CCSER1: variants seen among roughly 807,000 people sequenced by gnomAD.
The protein encoded by CCSER1 is serine-rich coiled-coil domain-containing protein 1.
In CCSER1, 41 loss-of-function variants were observed where a neutral mutation model predicts 82.0. The ratio of observed to expected loss-of-function variants is 0.50; its 90% confidence interval spans 0.39 to 0.65. CCSER1 has a LOEUF of 0.65. Among genes scored for constraint, CCSER1 ranks in the 30% least tolerant of loss-of-function variants. The pLI is 0.00. For missense variants in CCSER1, 1,119 were observed against 1,064.2 expected (o/e 1.05, Z -0.72); for synonymous variants, 414 against 383.9 (o/e 1.08, Z -0.92).
intron 10 of CCSER1, among the ~76,000 whole-genome samples, chr4:91,206,551 G>A (rs962333809): frequency 6.6e-6 from 1 of 151,898 alleles, no homozygotes; most frequent in Non-Finnish European, 1.5e-5. Flanking sequence ...TATAGAGAAG[G>A]CCTTGCCCTC....
chr4:90,652,256 C>A (rs1445579372), intron 6 of CCSER1, among the ~76,000 whole-genome samples: 1 of 152,026 alleles, frequency 6.6e-6, no homozygotes, highest in African/African-American at 2.4e-5. Flanking sequence ...TTTTGTATTT[C>A]AGGATGATTA....
chr4:91,297,130 A>G (rs1034848668), intron 10 of CCSER1, among the ~76,000 whole-genome samples: 1 of 151,876 alleles, frequency 6.6e-6, no homozygotes, highest in African/African-American at 2.4e-5. Context: ...AGTTTTGGTT[A>G]GGCAGTGAAG....
chr4:90,223,720 A>G (rs530227111), intron 1 of CCSER1, among the ~76,000 whole-genome samples: 5 of 152,346 alleles, frequency 3.3e-5, no homozygotes, highest in African/African-American at 1.2e-4. Flanking sequence ...CAGTGAAATA[A>G]TTTTGGATCT....
At chr4:90,310,089 A>G (rs1312320605) in intron 2 of CCSER1, among the ~76,000 whole-genome samples, 2 of 152,070 alleles carry the variant, frequency 1.3e-5, no homozygotes, top group Non-Finnish European at 2.9e-5. Flanking sequence ...CTAAGCTTTC[A>G]TTATTAATTA....
At chr4:91,069,066 A>G (rs1721152854) in intron 9 of CCSER1, among the ~76,000 whole-genome samples, 1 of 151,940 alleles carries the variant, frequency 6.6e-6, no homozygotes, top group Admixed American at 6.6e-5. Flanking sequence ...CCCAGCTACT[A>G]GGGAGGCTGA....
rs1456281117 is a variant in CCSER1, at chr4:90,309,602, G to A, written c.1318G>A (p.Ala440Thr). 2 of 1,565,190 alleles carry A rather than the reference G, an allele frequency of 1.3e-6. No individual in the cohort carries two copies. The highest frequency in any genetic ancestry group is 1.2e-5 in the South Asian group (1 of 83,064). Residue 440 changes from alanine (A) to threonine (T), a missense_variant, in exon 2 of 11, where the codon GCC (alanine) becomes ACC (threonine). Ala to Thr is a moderately conservative substitution (Grantham distance 58). Coordinates refer to ENST00000509176, the MANE Select transcript of CCSER1 (RefSeq NM_001145065.2). ...KTSHGYEANP[A>T]KVLASSLSPF... ...ATCACATGGATATGAAGCAAATCCT[G>A]CCAAAGGTATGCTGATTTTTTTTGT...
intron 10 of CCSER1, among the ~76,000 whole-genome samples, chr4:91,143,407 T>C (rs537546924): frequency 4.6e-5 from 7 of 152,274 alleles, no homozygotes; most frequent in African/African-American, 1.2e-4. Context: ...TTTCTAGGTA[T>C]AAGATTATGT....
At chr4:90,247,911 C>A (rs762770623) in intron 1 of CCSER1, among the ~76,000 whole-genome samples, 3 of 151,858 alleles carry the variant, frequency 2.0e-5, no homozygotes, top group African/African-American at 7.3e-5. Context: ...AATTTCCCAA[C>A]CTGTAGTGAA....
At position 90,600,345 on chromosome 4, in the gene CCSER1, G is replaced by A. The variant is rs146525356; in HGVS notation, c.1725-27680G>A. Reference sequence around the variant, plus strand: ...TATGAGATTTCCTACCCAAAACTTGGTACAGTCAGACTTTTTAGTTTTAGC... The same window carrying A: ...TATGAGATTTCCTACCCAAAACTTGATACAGTCAGACTTTTTAGTTTTAGC... On this transcript the variant is annotated intron_variant, in intron 5 of 10. Transcript: ENST00000509176. Among the ~76,000 whole-genome samples the A allele has an allele frequency of 8.0e-4, 122 of 152,134 alleles. 1 individual carries two copies. The East Asian group carries it at 0.017, about 21-fold the overall frequency.
intron 7 of CCSER1, among the ~76,000 whole-genome samples, chr4:90,798,454 A>T (rs1032973204): frequency 6.6e-6 from 1 of 151,226 alleles, no homozygotes; most frequent in Non-Finnish European, 1.5e-5. Flanking sequence ...ATTCATATCC[A>T]TATTCTGAAT....
intron 5 of CCSER1, among the ~76,000 whole-genome samples, chr4:90,537,201 G>A (rs950679757): frequency 1.3e-5 from 2 of 152,046 alleles, no homozygotes; most frequent in African/African-American, 4.8e-5. Flanking sequence ...GTAAACATTA[G>A]CTTTGTTGCA....
chr4:91,077,880 G>T (rs1242741659), intron 9 of CCSER1, among the ~76,000 whole-genome samples: 3 of 152,232 alleles, frequency 2.0e-5, no homozygotes, highest in Admixed American at 2.0e-4. Flanking sequence ...ACTGCAAGGT[G>T]GCAGCGAGGC....
intron 10 of CCSER1, among the ~76,000 whole-genome samples, chr4:91,291,449 T>C (rs577588184): frequency 1.3e-5 from 2 of 152,142 alleles, no homozygotes; most frequent in South Asian, 4.1e-4. Flanking sequence ...AATTGGCTCA[T>C]GGTTGTACAA....
chr4:91,535,681 T>C (rs1008326591), intron 10 of CCSER1, among the ~76,000 whole-genome samples: 1 of 151,032 alleles, frequency 6.6e-6, no homozygotes, highest in African/African-American at 2.4e-5. Context: ...GAAACAAATA[T>C]GAAAAGAAAC....
intron 10 of CCSER1, among the ~76,000 whole-genome samples, chr4:91,515,910 A>C (rs1760089885): frequency 6.9e-6 from 1 of 144,942 alleles, no homozygotes; most frequent in Admixed American, 7.0e-5. Context: ...ATTCTAACTC[A>C]TTTGAGAAGG....
intron 10 of CCSER1, among the ~76,000 whole-genome samples, chr4:91,594,348 T>C (rs768998785): frequency 6.8e-6 from 1 of 146,656 alleles, no homozygotes; most frequent in Non-Finnish European, 1.5e-5. Flanking sequence ...TATATATACA[T>C]ATATATACAC....
chr4:90,577,888 G>T (rs929283360), intron 5 of CCSER1, among the ~76,000 whole-genome samples: 1 of 151,940 alleles, frequency 6.6e-6, no homozygotes, highest in Non-Finnish European at 1.5e-5. Flanking sequence ...TCTACCAGTT[G>T]CTCTATTTAA....
intron 7 of CCSER1, among the ~76,000 whole-genome samples, chr4:90,770,506 T>A (rs1751915126): frequency 6.6e-6 from 1 of 152,206 alleles, no homozygotes; most frequent in Non-Finnish European, 1.5e-5. Context: ...TTGAACAAGA[T>A]TTTAAGTATC....
intron 7 of CCSER1, among the ~76,000 whole-genome samples, chr4:90,756,270 A>G (rs569452469): frequency 3.3e-5 from 5 of 152,270 alleles, no homozygotes; most frequent in Admixed American, 2.6e-4. Context: ...GTAAGAAAAC[A>G]TTTAATAGAA....
Sources: allele counts gnomAD v4.1 joint callset (sites outside exome capture counted in the v4.1 genomes callset), GRCh38; gene constraint gnomAD v4.1.1; transcripts MANE v1.5; gene names NCBI Gene and HGNC (gene_info 2026-07-23, HGNC 2026-07-21).